The following PPP3CA variants were observed in gnomAD, a reference collection of about 807,000 sequenced individuals.
PPP3CA encodes the protein CAM-PRP catalytic subunit.
In PPP3CA, 14 loss-of-function variants were observed where a neutral mutation model predicts 66.5. The ratio of observed to expected loss-of-function variants is 0.21; its 90% CI spans 0.14 to 0.33. The LOEUF is 0.33. PPP3CA is among the 10% of genes least tolerant of loss of function. PPP3CA has a pLI of 1.00. For synonymous variants in PPP3CA, 232 were observed against 226.2 expected (o/e 1.03, Z -0.23); for missense variants, 317 against 639.5 (o/e 0.50, Z 5.44).
chr4:101,342,061 T>C (rs1578205596), intron 1 of PPP3CA, among the ~76,000 whole-genome samples: 2 of 152,184 alleles, frequency 1.3e-5, no homozygotes, highest in Non-Finnish European at 2.9e-5. Context: ...AAGTTATAAA[T>C]GAATGGTCTA....
intron 1 of PPP3CA, among the ~76,000 whole-genome samples, chr4:101,200,921 G>A (rs1724948708): frequency 1.3e-5 from 2 of 152,108 alleles, no homozygotes; most frequent in African/African-American, 4.8e-5. Flanking sequence ...ACAAAATATT[G>A]TACTGACTAG....
chr4:101,024,752 GAATACTCTCCCC>G lies in PPP3CA; in HGVS notation c.*1101_*1112del, dbSNP rs1433507601. 6.6e-6 allele frequency: 1 copy of G among 152,464 alleles called. No individual in the cohort carries two copies. Among genetic ancestry groups the G allele is most frequent in the Non-Finnish European group, 1.5e-5 (1 of 68,000 alleles). 9.4% of individuals were successfully genotyped at this position (152,464 alleles called of 1,614,324 possible). A position where few individuals can be genotyped will look rare whatever the true frequency, so the allele number is the denominator to read the frequency against. ...ACAAGCTTATGTTAAAAACTTTAAA[GAATACTCTCCCC>G]TTTAGATTTTTTCAAAGCTTTTTTT... On this transcript the variant is annotated 3_prime_UTR_variant, in exon 14 of 14. Coordinates refer to ENST00000394854, the MANE Select transcript of PPP3CA (RefSeq NM_000944.5).
intron 6 of PPP3CA, 62 bp from the exon 7 acceptor site, chr4:101,083,325 A>T: frequency 7.4e-7 from 1 of 1,351,982 alleles, no homozygotes; most frequent in Non-Finnish European, 1.1e-6. Context: ...TAGCACATTT[A>T]TCTCTAACAT....
chr4:101,194,934 A>C (rs1724737539), intron 2 of PPP3CA, among the ~76,000 whole-genome samples: 1 of 152,158 alleles, frequency 6.6e-6, no homozygotes, highest in Non-Finnish European at 1.5e-5. Context: ...CAAAATATGT[A>C]TCTGACCATA....
chr4:101,128,924 T>C (rs1722336048), intron 2 of PPP3CA, among the ~76,000 whole-genome samples: 2 of 152,058 alleles, frequency 1.3e-5, no homozygotes, highest in South Asian at 4.2e-4. Context: ...GAAAGGGGGC[T>C]GAAACCAGGG....
chr4:101,344,848 C>T (rs1355401942), intron 1 of PPP3CA, among the ~76,000 whole-genome samples: 1 of 152,126 alleles, frequency 6.6e-6, no homozygotes, highest in African/African-American at 2.4e-5. Flanking sequence ...ATTGCCAACA[C>T]GTTCACTAGT....
chr4:101,264,043 A>C (rs1727091469), intron 1 of PPP3CA, among the ~76,000 whole-genome samples: 1 of 152,202 alleles, frequency 6.6e-6, no homozygotes. Flanking sequence ...AGCTTAGTAC[A>C]CTGATTCTCA....
At chr4:101,261,022 T>C (rs1726993743) in intron 1 of PPP3CA, among the ~76,000 whole-genome samples, 2 of 152,140 alleles carry the variant, frequency 1.3e-5, no homozygotes, top group Non-Finnish European at 2.9e-5. Flanking sequence ...AATGATTTTT[T>C]GACAAGATCT....
chr4:101,164,895 A>C (rs964517861), intron 2 of PPP3CA, among the ~76,000 whole-genome samples: 2 of 152,136 alleles, frequency 1.3e-5, no homozygotes, highest in African/African-American at 4.8e-5. Context: ...ACCAGAGATA[A>C]AGGGCTGCCA....
At chr4:101,163,726 A>T (rs971750102) in intron 2 of PPP3CA, among the ~76,000 whole-genome samples, 3 of 152,118 alleles carry the variant, frequency 2.0e-5, no homozygotes, top group African/African-American at 7.2e-5. Context: ...TATGATAGGT[A>T]CACCATGGTT....
intron 1 of PPP3CA, among the ~76,000 whole-genome samples, chr4:101,341,921 AT>A: frequency 6.6e-6 from 1 of 152,324 alleles, no homozygotes; most frequent in African/African-American, 2.4e-5. Flanking sequence ...GAGAGTGAGT[AT>A]CTGCAAAAAT....
chr4:101,038,400 T>C lies in PPP3CA; in HGVS notation c.1241+2082A>G, dbSNP rs1488513568. 4.6e-5 allele frequency among the ~76,000 whole-genome samples: 7 copies of C among 151,524 alleles called. No individual in the cohort carries two copies. In the East Asian group the frequency reaches 1.2e-3, roughly 25 times the overall value. On this transcript the variant is annotated intron_variant, in intron 11 of 13. Transcript: ENST00000394854. ...TTTTTTTTTTTTTGAGATGGAGTCT[T>C]GCTCTGTCACCCAGGCTGGAGTGCA...
intron 1 of PPP3CA, among the ~76,000 whole-genome samples, chr4:101,264,468 A>G (rs1727106774): frequency 6.6e-6 from 1 of 152,000 alleles, no homozygotes; most frequent in South Asian, 2.1e-4. Context: ...AAGTTAACAA[A>G]AAGAAAAAAT....
chr4:101,333,969 T>G (rs1729541332), intron 1 of PPP3CA, among the ~76,000 whole-genome samples: 1 of 152,148 alleles, frequency 6.6e-6, no homozygotes, highest in African/African-American at 2.4e-5. Context: ...ACACACGCAG[T>G]GGGCACTAAA....
chr4:101,145,712 AC>A (rs1374950357), intron 2 of PPP3CA, among the ~76,000 whole-genome samples: 4 of 152,172 alleles, frequency 2.6e-5, no homozygotes, highest in Non-Finnish European at 5.9e-5. Flanking sequence ...ATTATTTCTT[AC>A]CCAACAATAA....
chr4:101,126,805 T>A (rs561163770), intron 2 of PPP3CA, among the ~76,000 whole-genome samples: 56 of 152,308 alleles, frequency 3.7e-4, no homozygotes, highest in Non-Finnish European at 6.8e-4. Context: ...CTTACATAAG[T>A]AAAATCTACC....
intron 11 of PPP3CA, among the ~76,000 whole-genome samples, chr4:101,035,699 T>G (rs1296365977): frequency 6.6e-6 from 1 of 152,188 alleles, no homozygotes; most frequent in Non-Finnish European, 1.5e-5. Flanking sequence ...CCACATTCCT[T>G]ACTTCCCTTA....
At chr4:101,338,974 A>C (rs1729722944) in intron 1 of PPP3CA, among the ~76,000 whole-genome samples, 1 of 152,248 alleles carries the variant, frequency 6.6e-6, no homozygotes, top group African/African-American at 2.4e-5. Flanking sequence ...CATAACTTAC[A>C]AGATGTTTTA....
chr4:101,085,741 G>A (rs1352249006), intron 6 of PPP3CA, among the ~76,000 whole-genome samples: 1 of 151,924 alleles, frequency 6.6e-6, no homozygotes, highest in Non-Finnish European at 1.5e-5. Flanking sequence ...AATAGTATTA[G>A]AAAAGAGAAA....
Sources: gnomAD v4.1 joint callset for allele counts (sites outside exome capture counted in the v4.1 genomes callset) on GRCh38, gnomAD v4.1.1 for gene constraint, MANE v1.5 for transcripts, NCBI Gene and HGNC (gene_info 2026-07-23, HGNC 2026-07-21) for gene names.